Variants in BDH1 observed in about 807,000 individuals in gnomAD.
The protein encoded by BDH1 is 3-hydroxybutyrate dehydrogenase 1, also known as D-beta-hydroxybutyrate dehydrogenase, mitochondrial.
BDH1 carries 30 observed loss-of-function variants against 33.1 expected under a neutral mutation model. The ratio of observed to expected loss-of-function variants is 0.91; its 90% CI spans 0.68 to 1.23. BDH1 has a LOEUF of 1.23. BDH1 is among the 50% of genes most tolerant of loss of function. The probability of loss-of-function intolerance (pLI) is 0.00; values close to 1 mark genes in which losing one functional copy is unlikely to be tolerated. For synonymous variants in BDH1, 190 were observed against 183.6 expected (o/e 1.03, Z -0.28); for missense variants, 443 against 464.4 (o/e 0.95, Z 0.42).
rs749144360 is a variant in BDH1, at chr3:197,526,530, C to T, written c.268-3749G>A. On this transcript the variant is annotated intron_variant, in intron 5 of 7. Transcript: ENST00000392379. The surrounding 1 kb of genome is among the most constrained non-coding windows in gnomAD (Gnocchi z 4.7). ...GGAGACCTCCGACTGCCACTCCAGA[C>T]GCAGGGCAGCGTGCCTCCCCCAGCC... 2.0e-5 allele frequency among the ~76,000 whole-genome samples: 3 copies of T among 152,324 alleles called. No homozygotes were observed. Among genetic ancestry groups the T allele is most frequent in the Middle Eastern group, 3.4e-3 (1 of 294 alleles).
chr3:197,564,098 TAAAAAAA>T (rs71164298), intron 1 of BDH1, among the ~76,000 whole-genome samples: 1 of 109,068 alleles, frequency 9.2e-6, no homozygotes. Context: ...AGACTTCATC[TAAAAAAA>T]AAAAAAAAAA....
At chr3:197,524,777 A>G (rs1000327807) in intron 5 of BDH1, among the ~76,000 whole-genome samples, 2 of 152,016 alleles carry the variant, frequency 1.3e-5, no homozygotes, top group African/African-American at 4.8e-5. Context: ...GGGGTGTGGG[A>G]AAGGTGGTAC....
chr3:197,561,406 C>T lies in BDH1; in HGVS notation c.-44+11775G>A, dbSNP rs1000204530. On this transcript the variant is annotated intron_variant, in intron 1 of 6. Coordinates refer to the BDH1 transcript ENST00000358186. ...AAGGCAAGATTTCCTCTTTCCATGACGATAGAAGGCAGACAACTCCTTCAG... is the reference window on the plus strand; with the variant it reads ...AAGGCAAGATTTCCTCTTTCCATGATGATAGAAGGCAGACAACTCCTTCAG... Among the ~76,000 whole-genome samples the T allele has an allele frequency of 4.6e-5, 7 of 151,904 alleles. No individual in the cohort carries two copies. The East Asian group carries it at 5.8e-4, about 13-fold the overall frequency.
chr3:197,531,418 A>AATAT (rs199916775), intron 5 of BDH1, among the ~76,000 whole-genome samples: 1 of 137,260 alleles, frequency 7.3e-6, no homozygotes, highest in South Asian at 2.2e-4. Flanking sequence ...TTAAAAAAAA[A>AATAT]ATATATATAT....
At chr3:197,535,768 G>A (rs188381398) in intron 3 of BDH1, among the ~76,000 whole-genome samples, 207 of 152,262 alleles carry the variant, frequency 1.4e-3, no homozygotes, top group Non-Finnish European at 2.5e-3. Flanking sequence ...AGTTTTGGCT[G>A]GGATGGTGGC....
Position 197,514,441 on chromosome 3 carries a change from C to T in BDH1, c.410-25G>A. On this transcript the variant is annotated intron_variant, in intron 6 of 7. Coordinates refer to ENST00000392379, the MANE Select transcript of BDH1 (RefSeq NM_203314.3). This position sits in a 1 kb window ranked among gnomAD's most constrained non-coding sequence, Gnocchi z 4.2. ...CCTGGACAGGAGAGGGATAGATGTG[C>T]ATTTACCACATGGGCTTGGCCCAGA... 1 of 1,561,282 alleles carries T rather than the reference C, an allele frequency of 6.4e-7. No homozygotes were observed. Among genetic ancestry groups the T allele is most frequent in the African/African-American group, 1.4e-5 (1 of 73,640 alleles).
intron 3 of BDH1, among the ~76,000 whole-genome samples, chr3:197,536,587 C>G: frequency 6.6e-6 from 1 of 152,070 alleles, no homozygotes; most frequent in South Asian, 2.1e-4. Flanking sequence ...ATCCCTGTAA[C>G]CCCAGCACTT....
chr3:197,554,986 C>A lies in BDH1; in HGVS notation c.-195-273G>T, dbSNP rs1202784346. ...GCCGGAGGGCGGGGAGAGAGGGGGG[C>A]TCGGCCAGAGCCACGCTTCCCATTG... On this transcript the variant is annotated intron_variant, in intron 1 of 7. Transcript: ENST00000392379. The surrounding 1 kb of genome is among the most constrained non-coding windows in gnomAD (Gnocchi z 4.4). Among the ~76,000 whole-genome samples the A allele has an allele frequency of 6.6e-6, 1 of 152,246 alleles. No homozygotes were observed. Among genetic ancestry groups the A allele is most frequent in the Admixed American group, 6.5e-5 (1 of 15,286 alleles).
rs1716864144 is a variant in BDH1 at position 197,554,793 on chromosome 3, G to A, written c.-195-80C>T. On this transcript the variant is annotated intron_variant, in intron 1 of 7. Coordinates refer to ENST00000392379, the MANE Select transcript of BDH1 (RefSeq NM_203314.3). The surrounding 1 kb of genome is among the most constrained non-coding windows in gnomAD (Gnocchi z 4.4). ...CTTCCCCAGAAGGGCGCAGCCTGGA[G>A]GCGGCCGCGCGCAGGACGCACGCCC... 6.6e-6 allele frequency: 1 copy of A among 152,160 alleles called. No individual in the cohort carries two copies. The highest frequency in any genetic ancestry group is 2.1e-4 in the South Asian group (1 of 4,834). 9.4% of individuals were successfully genotyped at this position (152,160 alleles called of 1,614,324 possible). A position where few individuals can be genotyped will look rare whatever the true frequency, so the allele number is the denominator to read the frequency against.
At chr3:197,531,471 A>G (rs1714658390) in intron 5 of BDH1, among the ~76,000 whole-genome samples, 1 of 149,356 alleles carries the variant, frequency 6.7e-6, no homozygotes, top group East Asian at 1.9e-4. Context: ...GTATATATAT[A>G]TAGCATAGGC....
chr3:197,547,773 C>T (rs1453482745), intron 2 of BDH1, among the ~76,000 whole-genome samples: 3 of 152,256 alleles, frequency 2.0e-5, no homozygotes, highest in African/African-American at 4.8e-5. Flanking sequence ...TCTTTGCTCA[C>T]TGCGTCGCAG....
Position 197,520,192 on chromosome 3 carries a change from C to T in BDH1, c.409+2448G>A, listed in dbSNP as rs190713760. On this transcript the variant is annotated intron_variant, in intron 6 of 7. Coordinates refer to ENST00000392379, the MANE Select transcript of BDH1 (RefSeq NM_203314.3). The surrounding 1 kb of genome is among the most constrained non-coding windows in gnomAD (Gnocchi z 6.0). ...AGCAGGGAGAGGGAGGAGAGGGAGA[C>T]GGGAAGAAAGCGAGAGCAGGAGATG... 6.5e-3 allele frequency among the ~76,000 whole-genome samples: 979 copies of T among 151,590 alleles called. 11 individuals are homozygous for T. The highest frequency in any genetic ancestry group is 0.022 in the African/African-American group (907 of 41,222).
intron 3 of BDH1, among the ~76,000 whole-genome samples, chr3:197,540,581 A>C (rs1715528536): frequency 6.6e-6 from 1 of 152,056 alleles, no homozygotes; most frequent in African/African-American, 2.4e-5. Flanking sequence ...AGGCAGGAGA[A>C]TCATTTGAGC....
In BDH1 at chr3:197,517,106, C is replaced by T. The variant is rs182297467; in HGVS notation, c.410-2690G>A. 4.6e-5 allele frequency among the ~76,000 whole-genome samples: 7 copies of T among 152,018 alleles called. No individual in the cohort carries two copies. In the East Asian group the frequency reaches 5.8e-4, roughly 13 times the overall value. On this transcript the variant is annotated intron_variant, in intron 6 of 7. Coordinates refer to ENST00000392379, the MANE Select transcript of BDH1 (RefSeq NM_203314.3). ...TTCCACTAGCATTCCCTTGGGTCCT[C>T]GCTGCCTGTCTCCTGGGCTGCTGGA... is the stretch of plus-strand genomic sequence containing the variant.
Position 197,522,620 on chromosome 3 carries a change from C to T in BDH1, c.409+20G>A, listed in dbSNP as rs771213308. On this transcript the variant is annotated intron_variant, in intron 6 of 7. Transcript: ENST00000392379. The surrounding 1 kb of genome is among the most constrained non-coding windows in gnomAD (Gnocchi z 4.8). The stretch of plus-strand genomic sequence containing the variant: ...GAATGGCCCCATACACAACCCCTGC[C>T]GTCCGAAGGGGCGCCCTACCTTTCT... 5.6e-5 allele frequency: 90 copies of T among 1,613,356 alleles called. No individual in the cohort carries two copies. The highest frequency in any genetic ancestry group is 6.9e-5 in the Non-Finnish European group (81 of 1,179,712).
At chr3:197,545,586 A>G (rs13097456) in intron 3 of BDH1, among the ~76,000 whole-genome samples, 2 of 152,104 alleles carry the variant, frequency 1.3e-5, no homozygotes, top group South Asian at 4.1e-4. Flanking sequence ...GACACCTCCG[A>G]GCCATGTGGG....
intron 1 of BDH1, among the ~76,000 whole-genome samples, chr3:197,567,330 T>G (rs561163599): frequency 6.6e-6 from 1 of 152,272 alleles, no homozygotes; most frequent in Non-Finnish European, 1.5e-5. Context: ...GGGAACTGCT[T>G]AGGGCCAACC....
Position 197,525,980 on chromosome 3 carries a change from G to A in BDH1, c.268-3199C>T, listed in dbSNP as rs531621290. ...TGCTCAGGGACAAGCTTTTAGTTCCGCTGTGTTGGTGCGTGTGCAACTGGC... is the reference window on the plus strand; with the variant it reads ...TGCTCAGGGACAAGCTTTTAGTTCCACTGTGTTGGTGCGTGTGCAACTGGC... On this transcript the variant is annotated intron_variant, in intron 5 of 7. Transcript: ENST00000392379. This position sits in a 1 kb window ranked among gnomAD's most constrained non-coding sequence, Gnocchi z 4.9. 2.3e-4 allele frequency among the ~76,000 whole-genome samples: 35 copies of A among 152,302 alleles called. No homozygotes were observed. Among genetic ancestry groups the A allele is most frequent in the East Asian group, 7.7e-4 (4 of 5,172 alleles).
Position 197,522,511 on chromosome 3 carries a change from G to A in BDH1, c.409+129C>T. 2 of 1,209,692 alleles carry A rather than the reference G, an allele frequency of 1.7e-6. No individual in the cohort carries two copies. Among genetic ancestry groups the A allele is most frequent in the East Asian group, 2.4e-5 (1 of 42,042 alleles). The allele number at this position is 1,209,692 out of a possible 1,614,324, so 74.9% of individuals were successfully genotyped here. A position where few individuals can be genotyped will look rare whatever the true frequency, so the allele number is the denominator to read the frequency against. ...GTAATCCTCTTCCTCCTACTGTGCAGGAGGAAGAGCCTAAACAATAAGGAA... is the reference window on the plus strand; with the variant it reads ...GTAATCCTCTTCCTCCTACTGTGCAAGAGGAAGAGCCTAAACAATAAGGAA... On this transcript the variant is annotated intron_variant, in intron 6 of 7. Coordinates refer to ENST00000392379, the MANE Select transcript of BDH1 (RefSeq NM_203314.3). This position sits in a 1 kb window ranked among gnomAD's most constrained non-coding sequence, Gnocchi z 4.8.
Sources: gnomAD v4.1 joint callset for allele counts (sites outside exome capture counted in the v4.1 genomes callset) on GRCh38, gnomAD v4.1.1 for gene constraint, Gnocchi (gnomAD v3.1) non-coding constraint, MANE v1.5 for transcripts, NCBI Gene and HGNC (gene_info 2026-07-23, HGNC 2026-07-21) for gene names.